RAB11A: variants seen among roughly 807,000 people sequenced by gnomAD.
RAB11A encodes RAB11A, member RAS oncogene family.
RAB11A carries 9 observed loss-of-function variants against 28.0 expected under a neutral mutation model. That is an observed-to-expected ratio of 0.32 (90% CI 0.19 to 0.56). The LOEUF (loss-of-function observed/expected upper bound fraction) is 0.56. Ranked by LOEUF, RAB11A falls within the 20% of genes least tolerant of loss-of-function variation. The pLI is 0.91. For missense variants in RAB11A, 108 were observed against 269.6 expected (o/e 0.40, Z 4.20); for synonymous variants, 85 against 88.2 (o/e 0.96, Z 0.20).
At chr15:65,873,389 A>C (rs1486707870) in intron 1 of RAB11A, among the ~76,000 whole-genome samples, 1 of 152,156 alleles carries the variant, frequency 6.6e-6, no homozygotes, top group Non-Finnish European at 1.5e-5. Context: ...GTAATTAACC[A>C]TCAGCTGATT....
intron 4 of RAB11A, among the ~76,000 whole-genome samples, chr15:65,885,106 G>A (rs1372247208): frequency 2.7e-5 from 4 of 146,814 alleles, no homozygotes; most frequent in South Asian, 4.3e-4. Flanking sequence ...ACCATATGTC[G>A]TATCCAAGAA....
intron 1 of RAB11A, 123 bp downstream of exon 1, chr15:65,869,748 G>A: frequency 9.3e-7 from 1 of 1,078,534 alleles, no homozygotes; most frequent in South Asian, 1.7e-5. Flanking sequence ...TCCTTTTTGT[G>A]CGGTTCCGTC....
At chr15:65,886,840 T>C (rs2078258872) in intron 4 of RAB11A, among the ~76,000 whole-genome samples, 1 of 152,232 alleles carries the variant, frequency 6.6e-6, no homozygotes, top group Admixed American at 6.5e-5. Flanking sequence ...ATAAGTGTCA[T>C]GAAATAAAAA....
intron 4 of RAB11A, among the ~76,000 whole-genome samples, chr15:65,881,954 G>GGT (rs1453511254): frequency 6.6e-6 from 1 of 151,774 alleles, no homozygotes; most frequent in East Asian, 1.9e-4. Context: ...TCCCAGCTGA[G>GGT]GTGGGAGGAT....
intron 4 of RAB11A, among the ~76,000 whole-genome samples, chr15:65,881,306 A>G (rs1341572742): frequency 6.6e-6 from 1 of 152,140 alleles, no homozygotes; most frequent in Admixed American, 6.5e-5. Flanking sequence ...TTAAGTCAAC[A>G]TGTAGAGTAC....
At chr15:65,879,584 T>C in intron 3 of RAB11A, 87 bp from the exon 4 acceptor site, 1 of 1,001,094 alleles carries the variant, frequency 1.0e-6, no homozygotes, top group South Asian at 1.6e-5. Flanking sequence ...TTTAAAAAGT[T>C]CTGTTATTTT....
rs924127663 is a variant in RAB11A, at chr15:65,890,309, G to T, written c.*2469G>T. ...CCTGACCTGGTGATACACCCACCTC[G>T]GCCTCCCAAAGTGCTGGGATTAAAG... On this transcript the variant is annotated 3_prime_UTR_variant, in exon 5 of 5. Transcript: ENST00000261890. 6.6e-6 allele frequency: 1 copy of T among 152,064 alleles called. No homozygotes were observed. The highest frequency in any genetic ancestry group is 1.5e-5 in the Non-Finnish European group (1 of 68,100). The allele number at this position is 152,064 out of a possible 1,614,324, so 9.4% of individuals were successfully genotyped here.
At position 65,887,879 on chromosome 15, in the gene RAB11A, A is replaced by T; in HGVS notation, c.*39A>T. On this transcript the variant is annotated 3_prime_UTR_variant, in exon 5 of 5. Transcript: ENST00000261890. Reference sequence around the variant, plus strand: ...TCCCCTAGAAGGCTGTGTATAGTCCATTTCCCAGGTCTGAGATTTAAATAT... The same window carrying T: ...TCCCCTAGAAGGCTGTGTATAGTCCTTTTCCCAGGTCTGAGATTTAAATAT... The T allele has an allele frequency of 6.8e-7, 1 of 1,481,150 alleles. No homozygotes were observed. The highest frequency in any genetic ancestry group is 9.0e-7 in the Non-Finnish European group (1 of 1,111,860). The allele number at this position is 1,481,150 out of a possible 1,614,324, so 91.8% of individuals were successfully genotyped here.
At chr15:65,876,366 G>A (rs1385802780) in intron 1 of RAB11A, among the ~76,000 whole-genome samples, 1 of 151,702 alleles carries the variant, frequency 6.6e-6, no homozygotes, top group African/African-American at 2.4e-5. Context: ...ACACAATCTC[G>A]GCCCACTGCA....
chr15:65,876,369 C>T (rs781046024), intron 1 of RAB11A, among the ~76,000 whole-genome samples: 4 of 151,864 alleles, frequency 2.6e-5, no homozygotes, highest in African/African-American at 4.8e-5. Context: ...CAATCTCGGC[C>T]CACTGCAACC....
intron 3 of RAB11A, among the ~76,000 whole-genome samples, chr15:65,878,618 C>T (rs2078203048): frequency 6.6e-6 from 1 of 152,160 alleles, no homozygotes; most frequent in Non-Finnish European, 1.5e-5. Flanking sequence ...GCAGAGCTTG[C>T]AGTGAGCCGA....
chr15:65,875,771 C>CT (rs1331116926), intron 1 of RAB11A, among the ~76,000 whole-genome samples: 1 of 152,226 alleles, frequency 6.6e-6, no homozygotes, highest in Admixed American at 6.5e-5. Context: ...ATAATGGACT[C>CT]TCTTTGCCCT....
rs370745788 is a variant in RAB11A at position 65,869,569 on chromosome 15, C to A, written c.-17C>A. ...GATACCACTGCTGCTCCCGCCCTTT[C>A]GCTCCTCGGCCGCGCAATGGGCACC... On this transcript the variant is annotated 5_prime_UTR_variant, in exon 1 of 5. Transcript: ENST00000261890. 3.1e-6 allele frequency: 5 copies of A among 1,609,876 alleles called. No homozygotes were observed. In the African/African-American group the frequency reaches 4.0e-5, roughly 13 times the overall value.
Position 65,891,232 on chromosome 15 carries a change from G to C in RAB11A, c.*3392G>C, listed in dbSNP as rs543246190. ...GGGTTCCCCCAAACTGTAGGAGGTCGATGGTAACAATAAAGTGATACAAAA... is the reference window on the plus strand; with the variant it reads ...GGGTTCCCCCAAACTGTAGGAGGTCCATGGTAACAATAAAGTGATACAAAA... On this transcript the variant is annotated 3_prime_UTR_variant, in exon 5 of 5. Coordinates refer to ENST00000261890, the MANE Select transcript of RAB11A (RefSeq NM_004663.5). 1 of 152,326 alleles carries C rather than the reference G, an allele frequency of 6.6e-6. No homozygotes were observed. The highest frequency in any genetic ancestry group is 2.1e-4 in the South Asian group (1 of 4,834). 9.4% of individuals were successfully genotyped at this position (152,326 alleles called of 1,614,324 possible). A position where few individuals can be genotyped will look rare whatever the true frequency, so the allele number is the denominator to read the frequency against.
At chr15:65,874,249 G>A (rs572854838) in intron 1 of RAB11A, among the ~76,000 whole-genome samples, 1 of 144,164 alleles carries the variant, frequency 6.9e-6, no homozygotes, top group African/African-American at 2.6e-5. Context: ...TTTTTGAGAT[G>A]GAGTTTCACT....
At position 65,889,711 on chromosome 15, in the gene RAB11A, A is replaced by G. The variant is rs2078276327; in HGVS notation, c.*1871A>G. 1 of 152,216 alleles carries G rather than the reference A, an allele frequency of 6.6e-6. No homozygotes were observed. The highest frequency in any genetic ancestry group is 1.5e-5 in the Non-Finnish European group (1 of 68,028). 9.4% of individuals were successfully genotyped at this position (152,216 alleles called of 1,614,324 possible). On this transcript the variant is annotated 3_prime_UTR_variant, in exon 5 of 5. Transcript: ENST00000261890. ...AGACCCAGGAAAAGAAACCATCTCT[A>G]TTTTATTGAAAGTTGGTGGTAGATT...
rs2078288466 is a variant in RAB11A at position 65,890,804 on chromosome 15, G to T, written c.*2964G>T. 1 of 152,156 alleles carries T rather than the reference G, an allele frequency of 6.6e-6. No homozygotes were observed. The highest frequency in any genetic ancestry group is 2.1e-4 in the South Asian group (1 of 4,834). 9.4% of individuals were successfully genotyped at this position (152,156 alleles called of 1,614,324 possible). A position where few individuals can be genotyped will look rare whatever the true frequency, so the allele number is the denominator to read the frequency against. The stretch of plus-strand genomic sequence containing the variant: ...TAGAAGCAAAAGAATTCAAAGGCTG[G>T]GTGGATATTTAAGAACTTATTCTAA... On this transcript the variant is annotated 3_prime_UTR_variant, in exon 5 of 5. Transcript: ENST00000261890.
In RAB11A at chr15:65,869,692, C is replaced by T. The variant is rs560308193; in HGVS notation, c.40+67C>T. The T allele has an allele frequency of 3.3e-6, 5 of 1,537,968 alleles. No homozygotes were observed. The South Asian group carries it at 3.4e-5, about 10-fold the overall frequency. On this transcript the variant is annotated intron_variant, in intron 1 of 4. Coordinates refer to ENST00000261890, the MANE Select transcript of RAB11A (RefSeq NM_004663.5). The stretch of plus-strand genomic sequence containing the variant: ...GGGACCCGGGCCACTCCCGGTGGAC[C>T]CTCGTGCCGGCCACCCCTGCACTGA...
intron 3 of RAB11A, 91 bp downstream of exon 3, chr15:65,878,046 G>C (rs1047213566): frequency 1.6e-6 from 2 of 1,254,732 alleles, no homozygotes; most frequent in East Asian, 4.6e-5. Flanking sequence ...AATAGTTTCA[G>C]AGAGGTAAAC....
Sources: allele counts gnomAD v4.1 joint callset (sites outside exome capture counted in the v4.1 genomes callset), GRCh38; gene constraint gnomAD v4.1.1; transcripts MANE v1.5; gene names NCBI Gene and HGNC (gene_info 2026-07-23, HGNC 2026-07-21).